The following IQUB variants were observed in gnomAD, a reference collection of about 807,000 sequenced individuals.
The protein encoded by IQUB is IQ motif and ubiquitin domain containing.
A neutral mutation model predicts 86.4 loss-of-function variants in IQUB; 86 were observed. That is an observed-to-expected ratio of 1.00 (90% CI 0.84 to 1.19). IQUB has a LOEUF of 1.19. Among genes scored for constraint, IQUB ranks in the 50% most tolerant of loss-of-function variants. The pLI, the probability that IQUB is intolerant of heterozygous loss-of-function variation, is 0.00. For synonymous variants in IQUB, 289 were observed against 304.5 expected (o/e 0.95, Z 0.53); for missense variants, 946 against 916.9 (o/e 1.03, Z -0.41).
At chr7:123,527,079 T>G (rs1797256807) in intron 1 of IQUB, among the ~76,000 whole-genome samples, 2 of 152,256 alleles carry the variant, frequency 1.3e-5, no homozygotes, top group African/African-American at 4.8e-5. Flanking sequence ...CTTCCATCGC[T>G]GATACCCTTC....
At chr7:123,472,831 TCTTC>T (rs1206666121) in intron 8 of IQUB, among the ~76,000 whole-genome samples, 5 of 152,362 alleles carry the variant, frequency 3.3e-5, no homozygotes, top group East Asian at 3.9e-4. Flanking sequence ...TGCTTATTTC[TCTTC>T]CTTATTTCCT....
rs1346825383 is a variant in IQUB, at chr7:123,479,809, C to G, written c.1396G>C (p.Ala466Pro). 2.5e-6 allele frequency: 4 copies of G among 1,610,996 alleles called. No individual in the cohort carries two copies. The African/African-American group carries it at 5.4e-5, about 22-fold the overall frequency. ...YMANQEAAIQ[A>P]FLDKCSAPKI... is the part of the protein sequence containing the mutation. Reference sequence around the variant, plus strand: ...ACTTCACTAACCTTATCCAAAAAAGCTTGTATTGCTGCTTCCTGATTTGCC... The same window carrying G: ...ACTTCACTAACCTTATCCAAAAAAGGTTGTATTGCTGCTTCCTGATTTGCC... The change falls in exon 8 of 13, where the codon GCT (alanine) becomes CCT (proline). Residue 466 changes from alanine to proline, a missense_variant. Transcript: ENST00000324698.
chr7:123,527,877 A>G (rs1171957029), intron 1 of IQUB, among the ~76,000 whole-genome samples: 1 of 152,182 alleles, frequency 6.6e-6, no homozygotes, highest in African/African-American at 2.4e-5. Flanking sequence ...TGTTTACCTA[A>G]GCAAGCCTGA....
chr7:123,479,954 T>C lies in IQUB; in HGVS notation c.1251A>G (p.Glu417=). 1 of 1,608,564 alleles carries C rather than the reference T, an allele frequency of 6.2e-7. No homozygotes were observed. Among genetic ancestry groups the C allele is most frequent in the Non-Finnish European group, 8.5e-7 (1 of 1,178,244 alleles). The part of the protein sequence containing the change: ...YNALEFWRQE[E]LTRINQSFTG... ...TAAAAGATTGGTTAATACGTGTAAG[T>C]TCTTCTTGCCGCCAGACTAGAGGAA... Residue 417 remains glutamate (E), a synonymous_variant, in exon 8 of 13, where the codon GAA becomes GAG. Transcript: ENST00000324698.
chr7:123,476,102 C>T (rs900816052), intron 8 of IQUB, among the ~76,000 whole-genome samples: 12 of 152,288 alleles, frequency 7.9e-5, no homozygotes, highest in African/African-American at 2.6e-4. Flanking sequence ...GTGGTAAGAA[C>T]TGTGCTAAGA....
In IQUB at chr7:123,503,377, T is replaced by C. The variant is rs929305002; in HGVS notation, c.533-14A>G. 1.6e-5 allele frequency: 22 copies of C among 1,374,744 alleles called. No individual in the cohort carries two copies. The highest frequency in any genetic ancestry group is 2.1e-5 in the Non-Finnish European group (21 of 1,004,508). 85.2% of individuals were successfully genotyped at this position (1,374,744 alleles called of 1,614,324 possible). On this transcript the variant is annotated splice_polypyrimidine_tract_variant and intron_variant, in intron 3 of 12. Coordinates refer to ENST00000324698, the MANE Select transcript of IQUB (RefSeq NM_178827.5). Reference sequence around the variant, plus strand: ...TAAGAATTTTTCCTAAAAATTGAAATAAAATTTTTAAAAGTTTTATGACAA... The same window carrying C: ...TAAGAATTTTTCCTAAAAATTGAAACAAAATTTTTAAAAGTTTTATGACAA...
rs138085330 is a variant in IQUB, at chr7:123,503,310, C to T, written c.586G>A (p.Glu196Lys). The T allele has an allele frequency of 2.8e-3, 4,471 of 1,601,234 alleles. 7 individuals carry two copies. The highest frequency in any genetic ancestry group is 5.8e-3 in the Admixed American group (342 of 59,430). The change falls in exon 4 of 13, where the codon GAA (glutamate) becomes AAA (lysine). Residue 196 changes from glutamate to lysine, a missense_variant. Coordinates refer to ENST00000324698, the MANE Select transcript of IQUB (RefSeq NM_178827.5). ...GAAAAGATTTCCACTTGTACAATTT[C>T]CTGTGGCTTAACTCCATGTTGTACT... The part of the protein sequence containing the change: ...TLVQHGVKPQ[E>K]IVQVEIFSTN...
intron 3 of IQUB, among the ~76,000 whole-genome samples, chr7:123,505,425 AGCCAACTTCTGCC>A (rs1796132702): frequency 6.6e-6 from 1 of 152,182 alleles, no homozygotes; most frequent in South Asian, 2.1e-4. Flanking sequence ...CTGCTCCTGC[AGCCAACTTCTGCC>A]TGGACATCCA....
At chr7:123,500,010 C>T (rs1209145827) in intron 6 of IQUB, among the ~76,000 whole-genome samples, 2 of 152,192 alleles carry the variant, frequency 1.3e-5, no homozygotes, top group Admixed American at 6.6e-5. Context: ...CTCCCACCAG[C>T]GCCAAGACAG....
rs754592422 is a variant in IQUB at position 123,469,347 on chromosome 7, T to G, written c.1448A>C (p.Lys483Thr). ...GAACTGCGTATCCATCTCAATTGTT[T>G]TGCCATTAGGGGTTCTCCATATTTT... ...APKIWRTPNG[K>T]TIEMDTQFTI... is the part of the protein sequence containing the mutation. Residue 483 changes from lysine to threonine, a missense_variant, in exon 9 of 13, where the codon AAA (lysine) becomes ACA (threonine). Physicochemically the swap from Lys to Thr is moderately conservative, Grantham distance 78. Transcript: ENST00000324698. 1.2e-6 allele frequency: 2 copies of G among 1,606,452 alleles called. No individual in the cohort carries two copies. Among genetic ancestry groups the G allele is most frequent in the African/African-American group, 2.7e-5 (2 of 74,776 alleles).
chr7:123,476,919 T>C (rs1320247876), intron 8 of IQUB, among the ~76,000 whole-genome samples: 2 of 152,100 alleles, frequency 1.3e-5, no homozygotes, highest in African/African-American at 2.4e-5. Flanking sequence ...TACAAACCAC[T>C]GCTCAATGAA....
intron 7 of IQUB, among the ~76,000 whole-genome samples, chr7:123,491,545 C>T (rs982842971): frequency 1.6e-4 from 24 of 151,872 alleles, no homozygotes; most frequent in African/African-American, 5.6e-4. Context: ...TAACATGGAA[C>T]ATTATTAACA....
At position 123,496,910 on chromosome 7, in the gene IQUB, T is replaced by C. The variant is rs751634976; in HGVS notation, c.1024-4A>G. ...AGTAAGTCTGTATCACTATCACCTA[T>C]AGTTAAATTAAAAGGAAATAGAAAG... is the stretch of plus-strand genomic sequence containing the variant. On this transcript the variant is annotated splice_region_variant and splice_polypyrimidine_tract_variant and intron_variant, in intron 6 of 12. Coordinates refer to ENST00000324698, the MANE Select transcript of IQUB (RefSeq NM_178827.5). 2.5e-6 allele frequency: 4 copies of C among 1,570,012 alleles called. No homozygotes were observed. The highest frequency in any genetic ancestry group is 1.2e-5 in the South Asian group (1 of 85,072).
chr7:123,528,157 C>T (rs532143067), intron 1 of IQUB, among the ~76,000 whole-genome samples: 25 of 152,316 alleles, frequency 1.6e-4, no homozygotes, highest in African/African-American at 6.0e-4. Flanking sequence ...TGAGGCAATG[C>T]CTCGCCCTGC....
At chr7:123,493,306 T>C (rs1795555349) in intron 7 of IQUB, among the ~76,000 whole-genome samples, 1 of 151,972 alleles carries the variant, frequency 6.6e-6, no homozygotes, top group African/African-American at 2.4e-5. Context: ...AATGGCTCTC[T>C]CCAAAAAAAA....
chr7:123,519,045 AG>A (rs746368165), intron 1 of IQUB, among the ~76,000 whole-genome samples: 1 of 152,216 alleles, frequency 6.6e-6, no homozygotes, highest in Non-Finnish European at 1.5e-5. Context: ...AATAGCCAAC[AG>A]GTATATGAAA....
At chr7:123,453,681 C>A (rs1793558533) in intron 12 of IQUB, among the ~76,000 whole-genome samples, 1 of 152,012 alleles carries the variant, frequency 6.6e-6, no homozygotes, top group South Asian at 2.1e-4. Context: ...AGCCACCATA[C>A]TAGCCCCAAA....
intron 1 of IQUB, among the ~76,000 whole-genome samples, chr7:123,525,162 C>CT (rs1797132993): frequency 6.6e-6 from 1 of 152,086 alleles, no homozygotes; most frequent in African/African-American, 2.4e-5. Flanking sequence ...CTAAAATTCT[C>CT]TTTTTTGGTT....
Position 123,489,672 on chromosome 7 carries a change from T to G in IQUB, c.1234+7024A>C, listed in dbSNP as rs560545683. On this transcript the variant is annotated intron_variant, in intron 7 of 12. Coordinates refer to ENST00000324698, the MANE Select transcript of IQUB (RefSeq NM_178827.5). ...TAGAGAAGCTCTGAAAGAAAATTAG[T>G]ATGCAAAAAGATACATATGAAGAAA... Among the ~76,000 whole-genome samples, 34 of 151,532 alleles carry G rather than the reference T, an allele frequency of 2.2e-4. No individual in the cohort carries two copies. In the South Asian group the frequency reaches 6.9e-3, roughly 31 times the overall value.
Sources: gnomAD v4.1 joint callset for allele counts (sites outside exome capture counted in the v4.1 genomes callset) on GRCh38, gnomAD v4.1.1 for gene constraint, MANE v1.5 for transcripts, NCBI Gene and HGNC (gene_info 2026-07-23, HGNC 2026-07-21) for gene names.